The following PIK3C2G variants were observed in gnomAD, a reference collection of about 807,000 sequenced individuals.
PIK3C2G encodes phosphatidylinositol-4-phosphate 3-kinase catalytic subunit type 2 gamma.
In PIK3C2G, 168 loss-of-function variants were observed where a neutral mutation model predicts 181.1. The observed-to-expected ratio is 0.93, with a 90% CI of 0.82 to 1.05. The LOEUF is 1.05. Among genes scored for constraint, PIK3C2G ranks in the 50% least tolerant of loss-of-function variants. The probability of loss-of-function intolerance (pLI) is 0.00; values close to 1 mark genes in which losing one functional copy is unlikely to be tolerated. For missense variants in PIK3C2G, 1,869 were observed against 1,732.8 expected (o/e 1.08, Z -1.40); for synonymous variants, 573 against 592.2 (o/e 0.97, Z 0.47).
chr12:18,557,736 TAA>T (rs1184012856), intron 26 of PIK3C2G, among the ~76,000 whole-genome samples: 1 of 152,104 alleles, frequency 6.6e-6, no homozygotes, highest in Non-Finnish European at 1.5e-5. Context: ...TTAGAATTAA[TAA>T]GAGTTAAAGA....
chr12:18,448,842 G>A (rs931341022), intron 18 of PIK3C2G, among the ~76,000 whole-genome samples: 7 of 151,068 alleles, frequency 4.6e-5, no homozygotes, highest in Middle Eastern at 3.4e-3. Context: ...AATTGTGGTG[G>A]AGATATATCT....
At chr12:18,708,213 T>C in the PIK3C2G span, among the ~76,000 whole-genome samples, 1 of 152,198 alleles carries the variant, frequency 6.6e-6, no homozygotes, top group Non-Finnish European at 1.5e-5. Flanking sequence ...TGTTTGGTTA[T>C]CTATCTCTGT....
chr12:18,302,538 C>A (rs1950218448), intron 5 of PIK3C2G, among the ~76,000 whole-genome samples: 1 of 152,088 alleles, frequency 6.6e-6, no homozygotes, highest in South Asian at 2.1e-4. Flanking sequence ...TGATGACAGG[C>A]ATTTTGGGCC....
At chr12:18,379,581 G>A (rs1942694975) in intron 13 of PIK3C2G, among the ~76,000 whole-genome samples, 1 of 152,168 alleles carries the variant, frequency 6.6e-6, no homozygotes. Context: ...AGGGGAAAAG[G>A]ATATATAAGA....
intron 11 of PIK3C2G, among the ~76,000 whole-genome samples, chr12:18,354,534 G>A (rs1333565555): frequency 6.6e-6 from 1 of 152,206 alleles, no homozygotes; most frequent in Non-Finnish European, 1.5e-5. Flanking sequence ...GCCCTGCAAG[G>A]TAAAGAAAGC....
intron 29 of PIK3C2G, among the ~76,000 whole-genome samples, chr12:18,572,026 A>G (rs1945971751): frequency 6.7e-6 from 1 of 150,332 alleles, no homozygotes; most frequent in Non-Finnish European, 1.5e-5. Flanking sequence ...ATTACCATAG[A>G]CATTAAACTA....
At chr12:18,559,843 GAGAGAGAGAGAGAGAGAGAGAGAC>G (rs1945252349) in intron 26 of PIK3C2G, among the ~76,000 whole-genome samples, 2 of 133,328 alleles carry the variant, frequency 1.5e-5, no homozygotes, top group African/African-American at 2.8e-5. Context: ...GAGAGAGAGA[GAGAGAGAGAGAGAGAGAGAGAGAC>G]AGTTTTGCTC....
At chr12:18,695,202 T>C in the PIK3C2G span, 1 of 931,580 alleles carries the variant, frequency 1.1e-6, no homozygotes, top group Non-Finnish European at 1.7e-6. Flanking sequence ...GCAAGTATCA[T>C]TAGCCTAATA....
intron 14 of PIK3C2G, among the ~76,000 whole-genome samples, chr12:18,383,654 A>G (rs1942981398): frequency 1.3e-5 from 2 of 152,222 alleles, no homozygotes; most frequent in South Asian, 4.1e-4. Context: ...AGTGGTAAAA[A>G]GTGGAAAATC....
At chr12:18,468,314 TTCCCACTGACACA>T (rs1194861326) in intron 18 of PIK3C2G, among the ~76,000 whole-genome samples, 1 of 152,060 alleles carries the variant, frequency 6.6e-6, no homozygotes, top group Non-Finnish European at 1.5e-5. Context: ...CAATGCAGAA[TTCCCACTGACACA>T]TCACAGGATC....
At chr12:18,480,969 T>C (rs1275208559) in intron 18 of PIK3C2G, among the ~76,000 whole-genome samples, 1 of 152,154 alleles carries the variant, frequency 6.6e-6, no homozygotes, top group Non-Finnish European at 1.5e-5. Context: ...AGTCTCACTC[T>C]GTCTCCAGGC....
chr12:18,662,494 C>T, the PIK3C2G span, among the ~76,000 whole-genome samples: 5 of 151,698 alleles, frequency 3.3e-5, no homozygotes, highest in East Asian at 1.9e-4. Context: ...AAGAGCATTA[C>T]ACAGTTTAAA....
chr12:18,610,214 T>C (rs1592710105), intron 31 of PIK3C2G, among the ~76,000 whole-genome samples: 1 of 152,002 alleles, frequency 6.6e-6, no homozygotes, highest in East Asian at 1.9e-4. Context: ...GCAGCAAACA[T>C]AGAAGGAAAA....
At chr12:18,470,831 G>C (rs1370171703) in intron 18 of PIK3C2G, among the ~76,000 whole-genome samples, 1 of 152,046 alleles carries the variant, frequency 6.6e-6, no homozygotes, top group East Asian at 1.9e-4. Context: ...ACATCAACAG[G>C]AGAATGTGTA....
At chr12:18,306,705 CTAA>C (rs1950435755) in intron 5 of PIK3C2G, among the ~76,000 whole-genome samples, 1 of 151,966 alleles carries the variant, frequency 6.6e-6, no homozygotes, top group African/African-American at 2.4e-5. Flanking sequence ...TACTACAGTA[CTAA>C]TATTATTTTA....
chr12:18,530,003 A>C (rs1943459623), intron 24 of PIK3C2G, among the ~76,000 whole-genome samples: 1 of 152,140 alleles, frequency 6.6e-6, no homozygotes, highest in Non-Finnish European at 1.5e-5. Flanking sequence ...CAGAGCAAAC[A>C]TGTCACTAGT....
chr12:18,685,797 CT>C, the PIK3C2G span: 8 of 348,784 alleles, frequency 2.3e-5, no homozygotes, highest in Non-Finnish European at 4.2e-5. Context: ...GTGCCTCTGC[CT>C]CCCTTCCATC....
intron 18 of PIK3C2G, among the ~76,000 whole-genome samples, chr12:18,476,288 C>CT (rs1158419921): frequency 6.6e-6 from 1 of 152,000 alleles, no homozygotes; most frequent in Non-Finnish European, 1.5e-5. Context: ...AGCATTACAG[C>CT]TTGAGAAAGC....
intron 1 of PIK3C2G, among the ~76,000 whole-genome samples, chr12:18,256,104 T>C (rs987264523): frequency 6.6e-6 from 1 of 152,212 alleles, no homozygotes; most frequent in Non-Finnish European, 1.5e-5. Flanking sequence ...CTCAGAAGTA[T>C]TTAATTACCC....
Sources: allele counts gnomAD v4.1 joint callset (sites outside exome capture counted in the v4.1 genomes callset), GRCh38; gene constraint gnomAD v4.1.1; transcripts MANE v1.5; gene names NCBI Gene and HGNC (gene_info 2026-07-23, HGNC 2026-07-21).